The following EXOC6B variants were observed in gnomAD, a reference collection of about 807,000 sequenced individuals.
EXOC6B encodes SEC15 homolog B.
Under a neutral mutation model 113.5 loss-of-function variants are expected in EXOC6B, and 54 were observed. The ratio of observed to expected loss-of-function variants is 0.48; its 90% CI spans 0.38 to 0.60. The LOEUF is 0.60. EXOC6B is among the 20% of genes least tolerant of loss of function. EXOC6B has a pLI of 0.00. For synonymous variants in EXOC6B, 357 were observed against 339.0 expected, an observed-to-expected ratio of 1.05 and a Z score of -0.58; for missense variants, 797 against 977.5, an observed-to-expected ratio of 0.82 and a Z score of 2.46.
At chr2:72,305,775 G>T (rs1366071873) in intron 20 of EXOC6B, among the ~76,000 whole-genome samples, 1 of 152,060 alleles carries the variant, frequency 6.6e-6, no homozygotes, top group Non-Finnish European at 1.5e-5. Context: ...AAATTTCAAT[G>T]TATTATTATG....
chr2:72,730,576 A>G (rs1008344714), intron 5 of EXOC6B, among the ~76,000 whole-genome samples: 7 of 90,128 alleles, frequency 7.8e-5, no homozygotes, highest in African/African-American at 2.1e-4. Context: ...GTAAACAGAC[A>G]GAGACACACA....
At chr2:72,577,026 G>T (rs913408003) in intron 6 of EXOC6B, among the ~76,000 whole-genome samples, 12 of 152,070 alleles carry the variant, frequency 7.9e-5, no homozygotes, top group African/African-American at 2.7e-4. Context: ...ATGGTGAAAT[G>T]AGACAATTAT....
chr2:72,306,880 A>T (rs1285679943), intron 20 of EXOC6B, among the ~76,000 whole-genome samples: 1 of 152,198 alleles, frequency 6.6e-6, no homozygotes, highest in African/African-American at 2.4e-5. Flanking sequence ...AGATAATTCC[A>T]TTTTATTTAA....
chr2:72,610,425 C>T (rs2104080947), intron 6 of EXOC6B, among the ~76,000 whole-genome samples: 1 of 152,192 alleles, frequency 6.6e-6, no homozygotes, highest in African/African-American at 2.4e-5. Flanking sequence ...TCCATTAACG[C>T]AGTGTTTAGT....
At chr2:72,205,464 CAAT>C (rs1679781703) in intron 20 of EXOC6B, among the ~76,000 whole-genome samples, 2 of 151,848 alleles carry the variant, frequency 1.3e-5, no homozygotes, top group Non-Finnish European at 2.9e-5. Context: ...GACCATGAAA[CAAT>C]GAGACCTCTA....
At chr2:72,460,428 A>C (rs369612161) in intron 18 of EXOC6B, among the ~76,000 whole-genome samples, 17 of 151,568 alleles carry the variant, frequency 1.1e-4, no homozygotes, top group African/African-American at 3.6e-4. Context: ...GCAACCTACA[A>C]AATGGGAGAA....
intron 20 of EXOC6B, among the ~76,000 whole-genome samples, chr2:72,219,145 G>A (rs1414893714): frequency 6.6e-6 from 1 of 152,134 alleles, no homozygotes; most frequent in Non-Finnish European, 1.5e-5. Context: ...GGATTCCTAA[G>A]ACCAGAGAAG....
chr2:72,210,078 G>A (rs1222417988), intron 20 of EXOC6B, among the ~76,000 whole-genome samples: 1 of 152,092 alleles, frequency 6.6e-6, no homozygotes, highest in Admixed American at 6.5e-5. Flanking sequence ...CATGTGTAGG[G>A]TGTGCTGATC....
At chr2:72,540,832 G>A (rs756420578) in intron 8 of EXOC6B, among the ~76,000 whole-genome samples, 11 of 152,182 alleles carry the variant, frequency 7.2e-5, no homozygotes, top group Non-Finnish European at 1.6e-4. Flanking sequence ...GGCTATGAGA[G>A]AGACACAATG....
chr2:72,672,557 AAAAAAAAG>A (rs1333588463), intron 6 of EXOC6B, among the ~76,000 whole-genome samples: 11 of 150,188 alleles, frequency 7.3e-5, no homozygotes, highest in Non-Finnish European at 1.0e-4. Context: ...AAAAAAAAAA[AAAAAAAAG>A]AAAAAGAAAA....
intron 1 of EXOC6B, among the ~76,000 whole-genome samples, chr2:72,780,404 T>C (rs1683956752): frequency 6.6e-6 from 1 of 152,216 alleles, no homozygotes. Context: ...TATACAAAGA[T>C]TTTTTCAGCA....
At chr2:72,660,039 T>A (rs1403315849) in intron 6 of EXOC6B, among the ~76,000 whole-genome samples, 2 of 151,976 alleles carry the variant, frequency 1.3e-5, no homozygotes, top group East Asian at 1.9e-4. Flanking sequence ...TAAACTGGTA[T>A]GATCGTCTGT....
At chr2:72,489,224 C>A (rs1426826825) in intron 16 of EXOC6B, among the ~76,000 whole-genome samples, 1 of 152,138 alleles carries the variant, frequency 6.6e-6, no homozygotes, top group Non-Finnish European at 1.5e-5. Flanking sequence ...ACAAAATTGA[C>A]TTAATTATTT....
chr2:72,779,777 G>A (rs1045072805), intron 1 of EXOC6B, among the ~76,000 whole-genome samples: 4 of 152,098 alleles, frequency 2.6e-5, no homozygotes, highest in African/African-American at 9.7e-5. Flanking sequence ...AATAACTGAA[G>A]CTGACAAAAA....
chr2:72,709,281 A>G (rs947845462), intron 6 of EXOC6B, among the ~76,000 whole-genome samples: 3 of 152,238 alleles, frequency 2.0e-5, no homozygotes, highest in Middle Eastern at 3.4e-3. Context: ...CACGCCCAGT[A>G]AAGAAAACAT....
At chr2:72,356,349 A>G (rs1689969500) in intron 19 of EXOC6B, among the ~76,000 whole-genome samples, 1 of 152,118 alleles carries the variant, frequency 6.6e-6, no homozygotes, top group Admixed American at 6.6e-5. Flanking sequence ...GATCTTAACT[A>G]GACAGTTTGA....
chr2:72,692,960 C>T (rs1416419106), intron 6 of EXOC6B, among the ~76,000 whole-genome samples: 3 of 152,136 alleles, frequency 2.0e-5, no homozygotes, highest in African/African-American at 7.2e-5. Context: ...ATTATCAACT[C>T]CCCTAAACTA....
At chr2:72,551,629 C>T (rs1313693074) in intron 8 of EXOC6B, among the ~76,000 whole-genome samples, 1 of 151,848 alleles carries the variant, frequency 6.6e-6, no homozygotes, top group Non-Finnish European at 1.5e-5. Flanking sequence ...CTCAGCCTCA[C>T]GAGTAGCTGG....
At chr2:72,325,650 C>T (rs1688087315) in intron 20 of EXOC6B, among the ~76,000 whole-genome samples, 1 of 151,964 alleles carries the variant, frequency 6.6e-6, no homozygotes, top group Non-Finnish European at 1.5e-5. Flanking sequence ...CAGACACAAA[C>T]TCTCGAGGGA....
Sources: gnomAD v4.1 joint callset for allele counts (sites outside exome capture counted in the v4.1 genomes callset) on GRCh38, gnomAD v4.1.1 for gene constraint, MANE v1.5 for transcripts, NCBI Gene and HGNC (gene_info 2026-07-23, HGNC 2026-07-21) for gene names.